Variants in GALNT13 observed in about 807,000 individuals in gnomAD.
The protein encoded by GALNT13 is polypeptide N-acetylgalactosaminyltransferase 13, also known as UDP-GalNAc:polypeptide N-acetylgalactosaminyltransferase 13.
In GALNT13, 28 loss-of-function variants were observed where a neutral mutation model predicts 64.2. The observed-to-expected ratio is 0.44, with a 90% CI of 0.32 to 0.60. GALNT13 has a LOEUF of 0.60. Ranked by LOEUF, GALNT13 falls within the 20% of genes least tolerant of loss-of-function variation. GALNT13 has a pLI of 0.05. For missense variants in GALNT13, 577 were observed against 669.8 expected, an observed-to-expected ratio of 0.86 and a Z score of 1.53; for synonymous variants, 214 against 224.6, an observed-to-expected ratio of 0.95 and a Z score of 0.42.
the GALNT13 span, among the ~76,000 whole-genome samples, chr2:153,497,008 A>G: frequency 0.019 from 2,802 of 151,096 alleles, 98 homozygotes; most frequent in African/African-American, 0.065. Context: ...AAAAAAAAAA[A>G]AAAAAGAAAA....
chr2:153,859,538 T>C, the GALNT13 span, among the ~76,000 whole-genome samples: 1 of 152,160 alleles, frequency 6.6e-6, no homozygotes, highest in African/African-American at 2.4e-5. Context: ...TAACAAATTG[T>C]TTCATAAATA....
the GALNT13 span, among the ~76,000 whole-genome samples, chr2:153,263,474 T>C: frequency 1.3e-5 from 2 of 151,942 alleles, no homozygotes; most frequent in Non-Finnish European, 2.9e-5. Flanking sequence ...AACCAAAAAA[T>C]TACCCATATT....
chr2:153,994,602 C>T (rs938745495), intron 3 of GALNT13, among the ~76,000 whole-genome samples: 2 of 152,088 alleles, frequency 1.3e-5, no homozygotes, highest in Non-Finnish European at 2.9e-5. Context: ...TTTTAATGAT[C>T]GCCATTCTAA....
chr2:153,692,937 G>A, the GALNT13 span, among the ~76,000 whole-genome samples: 3 of 152,096 alleles, frequency 2.0e-5, no homozygotes, highest in Non-Finnish European at 2.9e-5. Context: ...AAAGGCTTAT[G>A]CTGAGTTATT....
the GALNT13 span, among the ~76,000 whole-genome samples, chr2:153,580,123 C>T: frequency 2.1e-4 from 32 of 152,228 alleles, no homozygotes; most frequent in Middle Eastern, 6.8e-3. Flanking sequence ...CTATTTTCTC[C>T]TCTTCTCAGG....
intron 4 of GALNT13, among the ~76,000 whole-genome samples, chr2:154,209,038 G>T (rs1687625594): frequency 6.6e-6 from 1 of 151,706 alleles, no homozygotes; most frequent in Non-Finnish European, 1.5e-5. Flanking sequence ...CTTCTAAACT[G>T]CCCTAATTCC....
chr2:154,242,787 C>T lies in GALNT13; in HGVS notation c.568C>T (p.Arg190Cys), dbSNP rs759879455. The T allele has an allele frequency of 8.1e-6, 13 of 1,613,874 alleles. No homozygotes were observed. The highest frequency in any genetic ancestry group is 4.5e-5 in the East Asian group (2 of 44,886). The change falls in exon 6 of 13, where the codon CGT becomes TGT. Residue 190 changes from arginine to cysteine, a missense_variant. Around this residue, in one of 3 missense-constraint regions of GALNT13, gnomAD observed 341 missense variants for 379.3 expected, o/e 0.90. Transcript: ENST00000392825. Reference protein sequence around the residue: ...IRMEERSGLIRARLRGAAASK... With the variant: ...IRMEERSGLICARLRGAAASK... Reference sequence around the variant, plus strand: ...GATGGAAGAACGCTCTGGGTTAATACGTGCCCGTCTTCGAGGAGCAGCTGC... The same window carrying T: ...GATGGAAGAACGCTCTGGGTTAATATGTGCCCGTCTTCGAGGAGCAGCTGC...
At chr2:154,450,326 A>G in intron 12 of GALNT13, 85 bp from the exon 13 acceptor site, 1 of 1,255,248 alleles carries the variant, frequency 8.0e-7, no homozygotes, top group South Asian at 1.5e-5. Flanking sequence ...ATCATAAAGG[A>G]TTTTTTAAAG....
At chr2:153,701,554 G>C in the GALNT13 span, among the ~76,000 whole-genome samples, 2 of 152,138 alleles carry the variant, frequency 1.3e-5, no homozygotes, top group East Asian at 3.9e-4. Flanking sequence ...AGAGTGAACA[G>C]GCAACCTACT....
At chr2:154,210,890 G>A (rs752354820) in intron 4 of GALNT13, among the ~76,000 whole-genome samples, 26 of 152,034 alleles carry the variant, frequency 1.7e-4, no homozygotes, top group Non-Finnish European at 3.1e-4. Context: ...GTTGGGAGGT[G>A]GACGCAATGT....
At chr2:153,220,447 G>A in the GALNT13 span, among the ~76,000 whole-genome samples, 4 of 152,226 alleles carry the variant, frequency 2.6e-5, no homozygotes, top group African/African-American at 9.6e-5. Flanking sequence ...CATTGGAAAG[G>A]GGAAGAAAGC....
At chr2:153,836,404 A>G in the GALNT13 span, among the ~76,000 whole-genome samples, 63,661 of 151,872 alleles carry the variant, frequency 0.42, 14,353 homozygotes, top group Admixed American at 0.58. Context: ...ATCATGCTAC[A>G]CATTAGATCT....
the GALNT13 span, among the ~76,000 whole-genome samples, chr2:153,716,281 A>T: frequency 2.0e-5 from 3 of 152,246 alleles, no homozygotes; most frequent in Non-Finnish European, 4.4e-5. Flanking sequence ...CACGTGGCCC[A>T]GGATGGCTTT....
At chr2:153,634,712 G>A in the GALNT13 span, among the ~76,000 whole-genome samples, 41 of 151,446 alleles carry the variant, frequency 2.7e-4, no homozygotes, top group African/African-American at 9.4e-4. Context: ...CATCACACCC[G>A]GCTAATTTTT....
At chr2:154,208,648 G>GTGTGTGTT (rs1553495818) in intron 4 of GALNT13, among the ~76,000 whole-genome samples, 29 of 142,084 alleles carry the variant, frequency 2.0e-4, no homozygotes, top group African/African-American at 7.4e-4. Context: ...GTGTGTGTGT[G>GTGTGTGTT]TGTGTGTGTG....
At chr2:153,667,424 T>C in the GALNT13 span, among the ~76,000 whole-genome samples, 1 of 152,146 alleles carries the variant, frequency 6.6e-6, no homozygotes, top group African/African-American at 2.4e-5. Flanking sequence ...TAACAGAAGG[T>C]CTTTCATGAG....
chr2:154,252,505 C>G (rs1366178739), intron 7 of GALNT13, among the ~76,000 whole-genome samples: 2 of 110,652 alleles, frequency 1.8e-5, no homozygotes, highest in Admixed American at 1.7e-4. Context: ...TACAGGTGCC[C>G]GCCACCATGC....
chr2:154,234,178 T>C (rs1689072790), intron 4 of GALNT13, among the ~76,000 whole-genome samples: 1 of 152,158 alleles, frequency 6.6e-6, no homozygotes. Context: ...AAATTAAAGA[T>C]AAAATACAAG....
At chr2:153,700,942 T>C in the GALNT13 span, among the ~76,000 whole-genome samples, 1 of 152,158 alleles carries the variant, frequency 6.6e-6, no homozygotes, top group Non-Finnish European at 1.5e-5. Context: ...GATTCAATGC[T>C]ATTCTCATCA....
Sources: allele counts gnomAD v4.1 joint callset (sites outside exome capture counted in the v4.1 genomes callset), GRCh38; gene constraint gnomAD v4.1.1; regional missense constraint gnomAD v4.1.1; transcripts MANE v1.5; gene names NCBI Gene and HGNC (gene_info 2026-07-23, HGNC 2026-07-21).